OXCT1: variants seen among roughly 807,000 people sequenced by gnomAD.
OXCT1 encodes succinyl-CoA:3-ketoacid coenzyme A transferase 1, mitochondrial.
OXCT1 carries 27 observed loss-of-function variants against 69.6 expected under a neutral mutation model. That is an observed-to-expected ratio of 0.39 (90% confidence interval 0.29 to 0.54). OXCT1 has a LOEUF of 0.54. OXCT1 is among the 20% of genes least tolerant of loss of function. The pLI, the probability that OXCT1 is intolerant of heterozygous loss-of-function variation, is 0.72. For missense variants in OXCT1, 437 were observed against 650.2 expected, an observed-to-expected ratio of 0.67 and a Z score of 3.57; for synonymous variants, 202 against 217.8, an observed-to-expected ratio of 0.93 and a Z score of 0.64.
Position 41,842,256 on chromosome 5 carries a change from AC to A in OXCT1, c.671+418del, listed in dbSNP as rs1748660885. On this transcript the variant is annotated intron_variant, in intron 6 of 16. Transcript: ENST00000196371. ...AGACACCAAAAGGACTGAAGGACTG[AC>A]CCCAATGATTATTAGCAGTATCTTT... 2.0e-5 allele frequency among the ~76,000 whole-genome samples: 3 copies of A among 152,286 alleles called. 1 individual carries two copies. The highest frequency in any genetic ancestry group is 2.1e-4 in the South Asian group (1 of 4,826).
At chr5:41,794,105 T>TGAAC (rs777120971) in intron 12 of OXCT1, 27 bp from the exon 13 acceptor site, 5 of 1,555,036 alleles carry the variant, frequency 3.2e-6, no homozygotes, top group Admixed American at 1.7e-5. Context: ...AAGAATAAAG[T>TGAAC]GAACCTCATA....
At chr5:41,734,321 GATA>G (rs1270639693) in intron 16 of OXCT1, among the ~76,000 whole-genome samples, 3 of 152,040 alleles carry the variant, frequency 2.0e-5, no homozygotes, top group Non-Finnish European at 4.4e-5. Flanking sequence ...AAGTTAAGAA[GATA>G]AAATCAAAGA....
intron 7 of OXCT1, among the ~76,000 whole-genome samples, chr5:41,819,811 G>T (rs1216893458): frequency 6.6e-6 from 1 of 152,078 alleles, no homozygotes; most frequent in East Asian, 1.9e-4. Context: ...TTATGAAGGG[G>T]CTCTGTGGGT....
At chr5:41,746,210 A>T (rs1229372256) in intron 15 of OXCT1, among the ~76,000 whole-genome samples, 1 of 152,200 alleles carries the variant, frequency 6.6e-6, no homozygotes, top group Admixed American at 6.5e-5. Context: ...ACCATGATCA[A>T]GTGGGCTTCA....
intron 13 of OXCT1, among the ~76,000 whole-genome samples, chr5:41,789,410 G>T (rs1302684511): frequency 6.6e-6 from 1 of 152,096 alleles, no homozygotes; most frequent in Non-Finnish European, 1.5e-5. Context: ...CCCCAAAAAC[G>T]TTGTCGTTTA....
At chr5:41,858,652 G>A (rs1749568846) in intron 3 of OXCT1, among the ~76,000 whole-genome samples, 1 of 152,066 alleles carries the variant, frequency 6.6e-6, no homozygotes. Flanking sequence ...ACAATGTTCT[G>A]GAAATATTTC....
intron 7 of OXCT1, among the ~76,000 whole-genome samples, chr5:41,835,089 G>A (rs574431171): frequency 6.6e-6 from 1 of 152,086 alleles, no homozygotes; most frequent in Non-Finnish European, 1.5e-5. Context: ...GACTAACAAC[G>A]GTGGGGGTGG....
At chr5:41,865,646 A>C (rs1316334297) in intron 1 of OXCT1, among the ~76,000 whole-genome samples, 1 of 152,222 alleles carries the variant, frequency 6.6e-6, no homozygotes, top group East Asian at 1.9e-4. Context: ...GGATCAAAAA[A>C]TACCCTTGCT....
chr5:41,836,566 A>G lies in OXCT1; in HGVS notation c.732+3885T>C, dbSNP rs1748371919. 2.0e-5 allele frequency among the ~76,000 whole-genome samples: 3 copies of G among 152,076 alleles called. No homozygotes were observed. The South Asian group carries it at 6.2e-4, about 31-fold the overall frequency. On this transcript the variant is annotated intron_variant, in intron 7 of 16. Coordinates refer to ENST00000196371, the MANE Select transcript of OXCT1 (RefSeq NM_000436.4). ...CAGTTTTGTGGAAGACACTTTTTCCACAGATGGGGGTTGGGCAGGGACGTG... is the reference window on the plus strand; with the variant it reads ...CAGTTTTGTGGAAGACACTTTTTCCGCAGATGGGGGTTGGGCAGGGACGTG...
chr5:41,752,882 C>A (rs1743864599), intron 14 of OXCT1, among the ~76,000 whole-genome samples: 1 of 152,082 alleles, frequency 6.6e-6, no homozygotes, highest in African/African-American at 2.4e-5. Flanking sequence ...CCTAATCTTT[C>A]TCTTTCTCCT....
At chr5:41,864,415 A>G (rs1242090932) in intron 1 of OXCT1, among the ~76,000 whole-genome samples, 1 of 152,164 alleles carries the variant, frequency 6.6e-6, no homozygotes, top group East Asian at 1.9e-4. Context: ...AACCCTGAGA[A>G]ATAAGTCTAG....
At chr5:41,849,486 C>T (rs912950835) in intron 5 of OXCT1, among the ~76,000 whole-genome samples, 8 of 152,180 alleles carry the variant, frequency 5.3e-5, no homozygotes, top group African/African-American at 1.7e-4. Flanking sequence ...TGTACCCCAT[C>T]CTACTCAGCA....
At chr5:41,744,480 G>T in intron 15 of OXCT1, among the ~76,000 whole-genome samples, 1 of 152,044 alleles carries the variant, frequency 6.6e-6, no homozygotes, top group Non-Finnish European at 1.5e-5. Context: ...TGATTGCCCT[G>T]GCCAGAACTT....
At chr5:41,803,991 A>T (rs1746547155) in intron 9 of OXCT1, among the ~76,000 whole-genome samples, 1 of 152,048 alleles carries the variant, frequency 6.6e-6, no homozygotes, top group South Asian at 2.1e-4. Context: ...TAGTACAAAG[A>T]ATGATGGCAC....
chr5:41,746,918 G>A (rs915983565), intron 15 of OXCT1, among the ~76,000 whole-genome samples: 6 of 152,090 alleles, frequency 3.9e-5, no homozygotes, highest in African/African-American at 1.2e-4. Context: ...AAGTTAGGTC[G>A]AGTCCATCTC....
chr5:41,851,920 A>T (rs1749192752), intron 4 of OXCT1, among the ~76,000 whole-genome samples: 1 of 152,186 alleles, frequency 6.6e-6, no homozygotes, highest in Non-Finnish European at 1.5e-5. Context: ...CCTAGTCACC[A>T]GTGTGACTGT....
intron 1 of OXCT1, among the ~76,000 whole-genome samples, chr5:41,864,580 A>T (rs892822996): frequency 3.3e-5 from 5 of 152,230 alleles, no homozygotes; most frequent in African/African-American, 9.6e-5. Context: ...AAAGTTGAGG[A>T]TATCTCCTAG....
At chr5:41,806,576 C>T (rs185263694) in intron 8 of OXCT1, among the ~76,000 whole-genome samples, 27 of 152,186 alleles carry the variant, frequency 1.8e-4, no homozygotes, top group Admixed American at 1.3e-3. Context: ...TCCCTCTGTT[C>T]GTTTACACAC....
At chr5:41,791,485 A>G (rs1467061240) in intron 13 of OXCT1, among the ~76,000 whole-genome samples, 1 of 152,216 alleles carries the variant, frequency 6.6e-6, no homozygotes, top group Non-Finnish European at 1.5e-5. Flanking sequence ...ATATGTAAAA[A>G]TATGGTACGC....
Sources: gnomAD v4.1 joint callset for allele counts (sites outside exome capture counted in the v4.1 genomes callset) on GRCh38, gnomAD v4.1.1 for gene constraint, MANE v1.5 for transcripts, NCBI Gene and HGNC (gene_info 2026-07-23, HGNC 2026-07-21) for gene names.